IMMP2L: variants seen among roughly 807,000 people sequenced by gnomAD.
IMMP2L encodes the protein inner mitochondrial membrane peptidase subunit 2, also known as mitochondrial inner membrane protease subunit 2.
IMMP2L carries 18 observed loss-of-function variants against 19.3 expected under a neutral mutation model. The ratio of observed to expected loss-of-function variants is 0.93; its 90% confidence interval spans 0.64 to 1.38. IMMP2L has a LOEUF of 1.38. Ranked by LOEUF, IMMP2L falls within the 40% of genes most tolerant of loss-of-function variation. The probability of loss-of-function intolerance (pLI) is 0.00; values close to 1 mark genes in which losing one functional copy is unlikely to be tolerated. For missense variants in IMMP2L, 233 were observed against 218.2 expected (o/e 1.07, Z -0.43); for synonymous variants, 76 against 73.0 (o/e 1.04, Z -0.21).
chr7:111,449,903 C>T (rs181452676), intron 3 of IMMP2L, among the ~76,000 whole-genome samples: 3 of 133,752 alleles, frequency 2.2e-5, no homozygotes, highest in African/African-American at 3.4e-5. Flanking sequence ...ACAAGCATTC[C>T]TATACACCAA....
intron 3 of IMMP2L, among the ~76,000 whole-genome samples, chr7:110,982,768 C>T (rs1343309265): frequency 6.6e-6 from 1 of 152,094 alleles, no homozygotes; most frequent in Non-Finnish European, 1.5e-5. Context: ...CTACTTTCAA[C>T]TACAACAAAT....
At chr7:110,741,585 A>T (rs1796993086) in intron 5 of IMMP2L, among the ~76,000 whole-genome samples, 1 of 152,226 alleles carries the variant, frequency 6.6e-6, no homozygotes, top group African/African-American at 2.4e-5. Flanking sequence ...TGTTGGTGCC[A>T]TGATCTTGGA....
At chr7:111,462,753 T>C (rs1840252222) in intron 3 of IMMP2L, among the ~76,000 whole-genome samples, 1 of 152,102 alleles carries the variant, frequency 6.6e-6, no homozygotes, top group Admixed American at 6.6e-5. Flanking sequence ...AGTTCGTCTA[T>C]AGGGCCCTAG....
intron 3 of IMMP2L, among the ~76,000 whole-genome samples, chr7:111,185,346 T>C (rs900074813): frequency 7.9e-5 from 12 of 152,148 alleles, no homozygotes; most frequent in African/African-American, 2.4e-4. Context: ...CATTAATACA[T>C]AAAAGCAATC....
intron 3 of IMMP2L, among the ~76,000 whole-genome samples, chr7:111,349,304 T>C (rs910849125): frequency 2.0e-5 from 3 of 152,114 alleles, no homozygotes; most frequent in Non-Finnish European, 4.4e-5. Context: ...GTTGAGCAGC[T>C]GCTATGTTAG....
chr7:111,305,537 C>T (rs1404366599), intron 3 of IMMP2L, among the ~76,000 whole-genome samples: 2 of 151,326 alleles, frequency 1.3e-5, no homozygotes, highest in Non-Finnish European at 2.9e-5. Context: ...TGCAGTGGCA[C>T]GATCTCAGCT....
chr7:111,313,738 CTA>C (rs1437364282), intron 3 of IMMP2L, among the ~76,000 whole-genome samples: 28 of 152,174 alleles, frequency 1.8e-4, no homozygotes, highest in African/African-American at 6.5e-4. Context: ...AATAACTAGA[CTA>C]TGTGTATCAG....
chr7:111,549,432 T>C (rs563386159), intron 1 of IMMP2L, among the ~76,000 whole-genome samples: 2 of 152,308 alleles, frequency 1.3e-5, no homozygotes, highest in East Asian at 3.9e-4. Context: ...TGAATAAAGA[T>C]CTTACATATC....
rs1394724304 is a variant in IMMP2L, at chr7:110,868,954, C to T, written c.408+17639G>A. Among the ~76,000 whole-genome samples, 3 of 151,778 alleles carry T rather than the reference C, an allele frequency of 2.0e-5. No homozygotes were observed. The East Asian group carries it at 5.8e-4, about 29-fold the overall frequency. On this transcript the variant is annotated intron_variant, in intron 5 of 5. Coordinates refer to ENST00000405709, the MANE Select transcript of IMMP2L (RefSeq NM_032549.4). ...AAACAAAAAAAAAAGAGGGAGACTC[C>T]AATTATTTTAATATTCTCTTGGAAA...
At chr7:111,059,590 C>T (rs1312343374) in intron 3 of IMMP2L, among the ~76,000 whole-genome samples, 1 of 152,100 alleles carries the variant, frequency 6.6e-6, no homozygotes, top group African/African-American at 2.4e-5. Context: ...CTCCCAGGGA[C>T]TAAAATAGTG....
intron 3 of IMMP2L, among the ~76,000 whole-genome samples, chr7:111,012,287 T>A (rs1825050431): frequency 6.6e-6 from 1 of 152,182 alleles, no homozygotes; most frequent in Non-Finnish European, 1.5e-5. Context: ...TGAATTTATA[T>A]TGTTATTCTT....
intron 4 of IMMP2L, among the ~76,000 whole-genome samples, chr7:110,904,147 A>G (rs934696862): frequency 1.3e-5 from 2 of 152,142 alleles, no homozygotes; most frequent in African/African-American, 2.4e-5. Flanking sequence ...TGTGGTTTGC[A>G]TATAGATTAA....
chr7:111,181,583 G>T (rs567341054), intron 3 of IMMP2L, among the ~76,000 whole-genome samples: 11 of 152,000 alleles, frequency 7.2e-5, no homozygotes, highest in Admixed American at 6.6e-4. Context: ...AAACTCAAAT[G>T]ACCAATAAGA....
intron 3 of IMMP2L, among the ~76,000 whole-genome samples, chr7:111,091,846 GAGA>G (rs1242423642): frequency 6.6e-6 from 1 of 151,972 alleles, no homozygotes; most frequent in Non-Finnish European, 1.5e-5. Flanking sequence ...GAGAGGGAGA[GAGA>G]AGGAGATGGG....
intron 3 of IMMP2L, among the ~76,000 whole-genome samples, chr7:111,191,275 G>C (rs925927802): frequency 6.6e-6 from 1 of 151,954 alleles, no homozygotes; most frequent in African/African-American, 2.4e-5. Flanking sequence ...CCAGGCAAAA[G>C]TCTAGATTAA....
At chr7:111,431,097 ACT>A (rs1415658207) in intron 3 of IMMP2L, among the ~76,000 whole-genome samples, 1 of 151,734 alleles carries the variant, frequency 6.6e-6, no homozygotes, top group Non-Finnish European at 1.5e-5. Context: ...AAAGAGTGAG[ACT>A]CTGTCTCACA....
At chr7:110,920,695 A>C (rs1011185014) in intron 4 of IMMP2L, among the ~76,000 whole-genome samples, 1 of 152,202 alleles carries the variant, frequency 6.6e-6, no homozygotes, top group Non-Finnish European at 1.5e-5. Context: ...TTAAGAAAGC[A>C]ATGATCACTA....
intron 3 of IMMP2L, among the ~76,000 whole-genome samples, chr7:111,286,020 T>C (rs56202012): frequency 6.6e-6 from 1 of 152,178 alleles, no homozygotes. Flanking sequence ...TAGGTTGTTA[T>C]GTTGTTTTTC....
At chr7:110,779,953 A>G (rs765706551) in intron 5 of IMMP2L, among the ~76,000 whole-genome samples, 2 of 151,912 alleles carry the variant, frequency 1.3e-5, no homozygotes, top group Admixed American at 6.6e-5. Flanking sequence ...CGTTGGCTAT[A>G]AAAGAAATAA....
Sources: allele counts gnomAD v4.1 joint callset (sites outside exome capture counted in the v4.1 genomes callset), GRCh38; gene constraint gnomAD v4.1.1; transcripts MANE v1.5; gene names NCBI Gene and HGNC (gene_info 2026-07-23, HGNC 2026-07-21).